Variants in DACH2 observed in about 807,000 individuals in gnomAD.
The protein encoded by DACH2 is dachshund homolog 2.
A neutral mutation model predicts 35.8 loss-of-function variants in DACH2; 17 were observed. That is an observed-to-expected ratio of 0.48 (90% CI 0.33 to 0.71). DACH2 has a LOEUF of 0.71. Among genes scored for constraint, DACH2 ranks in the 30% least tolerant of loss-of-function variants. The probability of loss-of-function intolerance (pLI) is 0.02; values close to 1 mark genes in which losing one functional copy is unlikely to be tolerated. For synonymous variants in DACH2, 195 were observed against 177.3 expected (o/e 1.10, Z -0.79); for missense variants, 469 against 472.7 (o/e 0.99, Z 0.07).
intron 3 of DACH2, among the ~76,000 whole-genome samples, 200 bp from the exon 4 acceptor site, chrX:86,650,836 A>G (rs1602740888): frequency 9.0e-6 from 1 of 111,368 alleles, no homozygotes; most frequent in Non-Finnish European, 1.9e-5. Context: ...TATGTAGCAT[A>G]GCTCTGTTAA....
intron 2 of DACH2, among the ~76,000 whole-genome samples, chrX:86,442,561 C>T (rs1314806152): frequency 1.8e-5 from 2 of 108,930 alleles, no homozygotes; most frequent in Non-Finnish European, 3.8e-5. Context: ...TGTTGAAATC[C>T]CATTTGTTTC....
chrX:86,750,956 G>A (rs11092823), intron 7 of DACH2, among the ~76,000 whole-genome samples: 3,203 of 111,120 alleles, frequency 0.029, 120 homozygotes, highest in African/African-American at 0.099. Flanking sequence ...TTTTATACCC[G>A]GAAGTGGAAA....
At position 86,438,312 on chromosome X, in the gene DACH2, C is replaced by T. The variant is rs761251315; in HGVS notation, c.527+61450C>T. ...GATCTTGGCTCACTTCAACCTCCGC[C>T]TCCAGGGTTCAAGTGATTCTGTTGC... On this transcript the variant is annotated intron_variant, in intron 2 of 11. Transcript: ENST00000373125. 2.6e-3 allele frequency among the ~76,000 whole-genome samples: 281 copies of T among 107,173 alleles called. 2 individuals are homozygous for T. The highest frequency in any genetic ancestry group is 8.8e-3 in the African/African-American group (257 of 29,162). 93.1% of individuals were successfully genotyped at this position (107,173 alleles called of 115,157 possible).
chrX:86,637,241 A>AAAAAAAAAAAC (rs1569457456), intron 3 of DACH2, among the ~76,000 whole-genome samples: 8 of 77,926 alleles, frequency 1.0e-4, no homozygotes, highest in Non-Finnish European at 1.5e-4. Flanking sequence ...AAAAAAAAAA[A>AAAAAAAAAAAC]AAAAACAGAT....
intron 3 of DACH2, among the ~76,000 whole-genome samples, chrX:86,546,321 T>TTCTTCTTCTTCTTCC (rs1569435563): frequency 2.6e-5 from 2 of 77,799 alleles, no homozygotes; most frequent in African/African-American, 1.0e-4. Flanking sequence ...TCCTACCTCT[T>TTCTTCTTCTTCTTCC]TCTTCTTCTT....
intron 2 of DACH2, among the ~76,000 whole-genome samples, chrX:86,400,693 G>A (rs1010838751): frequency 9.0e-6 from 1 of 111,619 alleles, no homozygotes; most frequent in Non-Finnish European, 1.9e-5. Context: ...GCAGAACAGC[G>A]GATATTGGTG....
rs761593003 is a variant in DACH2, at chrX:86,719,188, C to T, written c.1104+4468C>T. Among the ~76,000 whole-genome samples, 8 of 111,646 alleles carry T rather than the reference C, an allele frequency of 7.2e-5. No individual in the cohort carries two copies. In the East Asian group the frequency reaches 1.1e-3, roughly 16 times the overall value. On this transcript the variant is annotated intron_variant, in intron 6 of 11. Coordinates refer to ENST00000373125, the MANE Select transcript of DACH2 (RefSeq NM_053281.3). ...AGTTTTCCTTGTAGATATCTTTTAC[C>T]TCTTTGGCTAAAATTATTCTTAGTT...
intron 1 of DACH2, among the ~76,000 whole-genome samples, chrX:86,259,795 T>C (rs369675932): frequency 8.9e-6 from 1 of 111,883 alleles, no homozygotes; most frequent in African/African-American, 3.2e-5. Context: ...CAAATCTTTT[T>C]TAGCTGACTT....
chrX:86,235,517 C>T (rs2033039948), intron 1 of DACH2, among the ~76,000 whole-genome samples: 1 of 112,291 alleles, frequency 8.9e-6, no homozygotes, highest in South Asian at 3.7e-4. Flanking sequence ...TAGATGACCT[C>T]CTTCTCTGCT....
At chrX:86,578,972 A>T (rs1042968730) in intron 3 of DACH2, among the ~76,000 whole-genome samples, 5 of 111,978 alleles carry the variant, frequency 4.5e-5, no homozygotes, top group African/African-American at 1.6e-4. Context: ...GTATCGTGAC[A>T]TGAATTTACT....
intron 7 of DACH2, among the ~76,000 whole-genome samples, chrX:86,812,547 A>G (rs1356293981): frequency 8.9e-6 from 1 of 111,912 alleles, no homozygotes; most frequent in Non-Finnish European, 1.9e-5. Flanking sequence ...TTTTTCCAGG[A>G]AGTGATCTGA....
intron 2 of DACH2, among the ~76,000 whole-genome samples, chrX:86,445,041 T>C (rs1369843571): frequency 9.0e-6 from 1 of 111,122 alleles, no homozygotes; most frequent in Non-Finnish European, 1.9e-5. Context: ...TTTCCCACTG[T>C]TCTCAATCCT....
intron 3 of DACH2, among the ~76,000 whole-genome samples, chrX:86,564,718 A>G (rs1056757256): frequency 9.0e-6 from 1 of 111,556 alleles, no homozygotes; most frequent in Non-Finnish European, 1.9e-5. Flanking sequence ...AACAGCAGCA[A>G]CCATGTGTAT....
rs1027153525 is a variant in DACH2, at chrX:86,643,211, C to T, written c.641-7825C>T. 7.9e-5 allele frequency among the ~76,000 whole-genome samples: 8 copies of T among 101,787 alleles called. No individual in the cohort carries two copies. In the East Asian group the frequency reaches 1.3e-3, roughly 16 times the overall value. The allele number at this position is 101,787 out of a possible 115,157, so 88.4% of individuals were successfully genotyped here. A position where few individuals can be genotyped will look rare whatever the true frequency, so the allele number is the denominator to read the frequency against. The stretch of plus-strand genomic sequence containing the variant: ...TTGAAAAAAATAAAATAAAATAGGC[C>T]ACTAGCTAGACTAATTAAGAAAGAA... On this transcript the variant is annotated intron_variant, in intron 3 of 11. Coordinates refer to ENST00000373125, the MANE Select transcript of DACH2 (RefSeq NM_053281.3).
chrX:86,274,599 A>T (rs1335739170), intron 1 of DACH2, among the ~76,000 whole-genome samples: 3 of 101,785 alleles, frequency 2.9e-5, no homozygotes, highest in African/African-American at 1.1e-4. Context: ...GGTTCACGCC[A>T]TTCTCCCGCC....
At chrX:86,746,780 A>G (rs1410569822) in intron 7 of DACH2, among the ~76,000 whole-genome samples, 1 of 110,967 alleles carries the variant, frequency 9.0e-6, no homozygotes, top group East Asian at 2.8e-4. Context: ...TTTCATAAAG[A>G]TCAATTTATC....
At chrX:86,275,530 A>G (rs2033901482) in intron 1 of DACH2, among the ~76,000 whole-genome samples, 1 of 111,902 alleles carries the variant, frequency 8.9e-6, no homozygotes, top group South Asian at 3.7e-4. Flanking sequence ...CCCCTCAAGC[A>G]CTTAATATTT....
At chrX:86,291,057 C>A (rs2034278739) in intron 1 of DACH2, among the ~76,000 whole-genome samples, 1 of 102,157 alleles carries the variant, frequency 9.8e-6, no homozygotes, top group African/African-American at 3.6e-5. Flanking sequence ...TACCCATGAG[C>A]ATGGAATGTT....
chrX:86,357,372 G>C (rs2035660491), intron 1 of DACH2, among the ~76,000 whole-genome samples: 1 of 112,129 alleles, frequency 8.9e-6, no homozygotes, highest in Non-Finnish European at 1.9e-5. Context: ...TTTAGTTTTA[G>C]GGACTAGACA....
Sources: allele counts gnomAD v4.1 joint callset (sites outside exome capture counted in the v4.1 genomes callset), GRCh38; gene constraint gnomAD v4.1.1; transcripts MANE v1.5; gene names NCBI Gene and HGNC (gene_info 2026-07-23, HGNC 2026-07-21).